SAMSN1: variants seen among roughly 807,000 people sequenced by gnomAD.
SAMSN1 encodes SAM domain-containing protein SAMSN-1.
In SAMSN1, 31 loss-of-function variants were observed where a neutral mutation model predicts 42.0. That is an observed-to-expected ratio of 0.74 (90% CI 0.55 to 1.00). The LOEUF (loss-of-function observed/expected upper bound fraction) is 1.00. Among genes scored for constraint, SAMSN1 ranks in the 50% least tolerant of loss-of-function variants. SAMSN1 has a pLI of 0.00. For missense variants in SAMSN1, 464 were observed against 439.4 expected (o/e 1.06, Z -0.50); for synonymous variants, 178 against 151.9 (o/e 1.17, Z -1.26).
chr21:14,510,199 G>A (rs1309105310), intron 5 of SAMSN1, 111 bp downstream of exon 5: 5 of 1,037,174 alleles, frequency 4.8e-6, no homozygotes, highest in South Asian at 4.3e-5. Context: ...CACTTCTACT[G>A]TTGGGAAGAA....
chr21:14,503,554 G>A (rs1372982858), intron 5 of SAMSN1, among the ~76,000 whole-genome samples: 1 of 152,122 alleles, frequency 6.6e-6, no homozygotes, highest in African/African-American at 2.4e-5. Flanking sequence ...CTGAGCTTGA[G>A]GTAATGTGTT....
At chr21:14,608,466 T>C (rs998410167) in intron 5 of SAMSN1, among the ~76,000 whole-genome samples, 6 of 152,230 alleles carry the variant, frequency 3.9e-5, no homozygotes, top group East Asian at 3.9e-4. Context: ...CTGAAGCACT[T>C]TGGGGTCCTA....
intron 1 of SAMSN1, among the ~76,000 whole-genome samples, chr21:14,536,960 C>T (rs951444948): frequency 1.3e-5 from 2 of 152,198 alleles, no homozygotes; most frequent in African/African-American, 4.8e-5. Context: ...TTTGTCTGAA[C>T]CACAGTTATC....
intron 2 of SAMSN1, among the ~76,000 whole-genome samples, chr21:14,616,807 G>A (rs1163567592): frequency 6.6e-6 from 1 of 152,078 alleles, no homozygotes; most frequent in Non-Finnish European, 1.5e-5. Flanking sequence ...ACTTTTGAGG[G>A]GGAAAAACAC....
At chr21:14,551,947 T>A (rs1980610246) in intron 2 of SAMSN1, among the ~76,000 whole-genome samples, 1 of 152,060 alleles carries the variant, frequency 6.6e-6, no homozygotes, top group African/African-American at 2.4e-5. Flanking sequence ...ATACCTGGCA[T>A]AAAATGGGAA....
At chr21:14,611,448 A>T (rs1015707288) in intron 4 of SAMSN1, among the ~76,000 whole-genome samples, 1 of 152,234 alleles carries the variant, frequency 6.6e-6, no homozygotes, top group South Asian at 2.1e-4. Context: ...GCATAGCATG[A>T]AGACAAACTC....
intron 2 of SAMSN1, among the ~76,000 whole-genome samples, chr21:14,577,370 C>T (rs1344809144): frequency 6.8e-6 from 1 of 146,906 alleles, no homozygotes; most frequent in Non-Finnish European, 1.5e-5. Context: ...GCCTCAGCCT[C>T]CCAAAGTGCT....
upstream of SAMSN1, among the ~76,000 whole-genome samples, chr21:14,547,399 C>T (rs543102114): frequency 5.9e-5 from 9 of 152,138 alleles, no homozygotes; most frequent in South Asian, 1.9e-3. Context: ...AAGAGTTTCC[C>T]CATGGTTTAA....
chr21:14,544,418 G>A (rs777831478), intron 1 of SAMSN1, among the ~76,000 whole-genome samples: 3 of 152,060 alleles, frequency 2.0e-5, no homozygotes, highest in Non-Finnish European at 4.4e-5. Context: ...GAATTATGAG[G>A]AAAGGAGTTA....
At chr21:14,573,659 A>G (rs1981374483) in intron 2 of SAMSN1, among the ~76,000 whole-genome samples, 1 of 152,212 alleles carries the variant, frequency 6.6e-6, no homozygotes, top group East Asian at 1.9e-4. Context: ...ACCTTTATAT[A>G]CAAAACTTTT....
chr21:14,594,697 ACTTC>A (rs1982204646), intron 6 of SAMSN1: 2 of 152,196 alleles, frequency 1.3e-5, no homozygotes, highest in African/African-American at 2.4e-5. Flanking sequence ...TACCTAGGGC[ACTTC>A]AGGACTGCAG....
intron 7 of SAMSN1, among the ~76,000 whole-genome samples, chr21:14,497,877 A>G (rs1201654661): frequency 6.6e-6 from 1 of 152,204 alleles, no homozygotes; most frequent in African/African-American, 2.4e-5. Flanking sequence ...TAAATCTCCA[A>G]GATTATTTCA....
intron 7 of SAMSN1, 40 bp from the exon 8 acceptor site, chr21:14,486,154 CA>C: frequency 7.1e-7 from 1 of 1,413,536 alleles, no homozygotes; most frequent in East Asian, 2.3e-5. Flanking sequence ...GGTAAAGCAA[CA>C]CAAAATCTTA....
At chr21:14,609,193 T>G (rs1214181493) in intron 5 of SAMSN1, among the ~76,000 whole-genome samples, 1 of 152,078 alleles carries the variant, frequency 6.6e-6, no homozygotes, top group Non-Finnish European at 1.5e-5. Context: ...CATTAAAACT[T>G]TCAGTTTTCT....
intron 7 of SAMSN1, among the ~76,000 whole-genome samples, chr21:14,488,579 G>A (rs1177430064): frequency 6.6e-6 from 1 of 152,116 alleles, no homozygotes; most frequent in Non-Finnish European, 1.5e-5. Flanking sequence ...TAGAGAATAT[G>A]TCATTGTGTA....
chr21:14,646,306 T>C (rs1983711885), intron 1 of SAMSN1, among the ~76,000 whole-genome samples: 2 of 152,178 alleles, frequency 1.3e-5, no homozygotes, highest in Admixed American at 1.3e-4. Flanking sequence ...TGAGCGCCTA[T>C]ATGTCCGGCA....
chr21:14,617,319 C>G (rs751490028), intron 2 of SAMSN1, among the ~76,000 whole-genome samples: 3 of 152,152 alleles, frequency 2.0e-5, no homozygotes, highest in Non-Finnish European at 4.4e-5. Context: ...AATCTCTATT[C>G]AAGGTCTTTT....
At chr21:14,523,819 G>A (rs1568786165) in intron 1 of SAMSN1, among the ~76,000 whole-genome samples, 1 of 152,116 alleles carries the variant, frequency 6.6e-6, no homozygotes, top group East Asian at 1.9e-4. Flanking sequence ...CTTCCATTAA[G>A]TAATCAATAG....
chr21:14,610,263 G>C (rs1408792815), intron 4 of SAMSN1, among the ~76,000 whole-genome samples: 1 of 152,082 alleles, frequency 6.6e-6, no homozygotes, highest in Non-Finnish European at 1.5e-5. Flanking sequence ...TCCCAGGGCG[G>C]GGCCTCTAAA....
Sources: allele counts gnomAD v4.1 joint callset (sites outside exome capture counted in the v4.1 genomes callset), GRCh38; gene constraint gnomAD v4.1.1; transcripts MANE v1.5; gene names NCBI Gene and HGNC (gene_info 2026-07-23, HGNC 2026-07-21).